MAGI2: variants seen among roughly 807,000 people sequenced by gnomAD.
MAGI2 encodes the protein membrane-associated guanylate kinase, WW and PDZ domain-containing protein 2.
MAGI2 carries 35 observed loss-of-function variants against 133.3 expected under a neutral mutation model. That is an observed-to-expected ratio of 0.26 (90% confidence interval 0.20 to 0.35). MAGI2 has a LOEUF of 0.35. Among genes scored for constraint, MAGI2 ranks in the 10% least tolerant of loss-of-function variants. The pLI is 1.00. For missense variants in MAGI2, 1,636 were observed against 1,863.4 expected (o/e 0.88, Z 2.25); for synonymous variants, 729 against 710.6 (o/e 1.03, Z -0.41).
chr7:79,447,943 T>C (rs557198889), intron 1 of MAGI2, among the ~76,000 whole-genome samples: 45 of 151,962 alleles, frequency 3.0e-4, no homozygotes, highest in African/African-American at 1.1e-3. Flanking sequence ...AGCTGAGAAG[T>C]AAAAGTTCAA....
At chr7:78,545,580 T>C (rs6965349) in intron 3 of MAGI2, among the ~76,000 whole-genome samples, 13,360 of 152,230 alleles carry the variant, frequency 0.088, 709 homozygotes, top group African/African-American at 0.14. Flanking sequence ...CCTGAAGGGC[T>C]ATCATGATGC....
intron 1 of MAGI2, among the ~76,000 whole-genome samples, chr7:79,037,346 T>C (rs761420888): frequency 6.6e-6 from 1 of 152,144 alleles, no homozygotes; most frequent in Non-Finnish European, 1.5e-5. Context: ...CTGCGTTTCA[T>C]GACTACGTAC....
intron 1 of MAGI2, among the ~76,000 whole-genome samples, chr7:79,155,944 G>A (rs963412930): frequency 6.6e-6 from 1 of 152,170 alleles, no homozygotes; most frequent in Non-Finnish European, 1.5e-5. Context: ...TTTGGCTAGA[G>A]TATGCAGATT....
chr7:78,287,772 AGT>A (rs1443284507), intron 9 of MAGI2, among the ~76,000 whole-genome samples: 5 of 152,218 alleles, frequency 3.3e-5, no homozygotes, highest in Admixed American at 2.0e-4. Flanking sequence ...ATCATTTAAA[AGT>A]GTTTTTCTTT....
intron 20 of MAGI2, among the ~76,000 whole-genome samples, chr7:78,083,588 A>C (rs893817935): frequency 5.3e-5 from 8 of 152,222 alleles, no homozygotes; most frequent in Admixed American, 3.3e-4. Flanking sequence ...TGGAAGAAAT[A>C]CTTTTATCTG....
intron 1 of MAGI2, among the ~76,000 whole-genome samples, chr7:79,333,813 T>C (rs1840247806): frequency 6.6e-6 from 1 of 152,136 alleles, no homozygotes; most frequent in Non-Finnish European, 1.5e-5. Context: ...TTGAAAATAA[T>C]AGCACAAACA....
intron 14 of MAGI2, 70 bp downstream of exon 14, chr7:78,177,941 A>C (rs962920966): frequency 1.2e-5 from 13 of 1,099,140 alleles, no homozygotes; most frequent in Non-Finnish European, 1.8e-5. Flanking sequence ...ATCACACTAA[A>C]CACTATTTTC....
intron 1 of MAGI2, among the ~76,000 whole-genome samples, chr7:79,155,013 T>G (rs1823628112): frequency 6.6e-6 from 1 of 152,202 alleles, no homozygotes; most frequent in South Asian, 2.1e-4. Flanking sequence ...GTAACAGTGT[T>G]GACAGTCCAT....
chr7:79,443,287 T>TGTGC (rs1245739729), intron 1 of MAGI2, among the ~76,000 whole-genome samples: 1 of 46,456 alleles, frequency 2.2e-5, no homozygotes, highest in African/African-American at 5.2e-5. Context: ...TGTGTGTGCG[T>TGTGC]GTGTGTGTGT....
Position 78,019,252 on chromosome 7 carries a change from T to C in MAGI2, c.*63A>G. On this transcript the variant is annotated 3_prime_UTR_variant, in exon 22 of 22. Coordinates refer to ENST00000354212, the MANE Select transcript of MAGI2 (RefSeq NM_012301.4). ...ACAGTGAAAATAAATTAAAACGCCG[T>C]GAGACGGAACCTAAGAAGAACTGCC... The C allele has an allele frequency of 6.4e-7, 1 of 1,553,166 alleles. No homozygotes were observed. The highest frequency in any genetic ancestry group is 8.7e-7 in the Non-Finnish European group (1 of 1,151,838).
At chr7:78,557,080 CAAAAAAAAAAAA>C (rs796371005) in intron 3 of MAGI2, among the ~76,000 whole-genome samples, 1 of 40,952 alleles carries the variant, frequency 2.4e-5, no homozygotes, top group South Asian at 8.9e-4. Flanking sequence ...GGCAGAGTCT[CAAAAAAAAAAAA>C]AAAAAAAAGA....
At chr7:78,207,043 T>A (rs1459524004) in intron 10 of MAGI2, among the ~76,000 whole-genome samples, 1 of 152,126 alleles carries the variant, frequency 6.6e-6, no homozygotes, top group African/African-American at 2.4e-5. Context: ...CACAATTAAA[T>A]TTTTTTCAAG....
intron 14 of MAGI2, among the ~76,000 whole-genome samples, chr7:78,177,120 AT>A (rs1443443429): frequency 2.0e-5 from 3 of 152,070 alleles, no homozygotes; most frequent in African/African-American, 4.8e-5. Flanking sequence ...CACTATTGTT[AT>A]CCCCATCTTG....
chr7:78,247,371 G>A (rs1218170410), intron 10 of MAGI2, among the ~76,000 whole-genome samples: 3 of 152,002 alleles, frequency 2.0e-5, no homozygotes, highest in Non-Finnish European at 2.9e-5. Context: ...TTTTTCAGCC[G>A]GCATACTAAG....
In MAGI2 at chr7:78,716,818, C is replaced by T. The variant is rs555262513; in HGVS notation, c.419-89579G>A. On this transcript the variant is annotated intron_variant, in intron 2 of 21. Coordinates refer to ENST00000354212, the MANE Select transcript of MAGI2 (RefSeq NM_012301.4). ...AGACCCACTGGAAGTTCAGAGAAAA[C>T]TGAAGAACTATATTGGGCTTTTCAT... is the stretch of plus-strand genomic sequence containing the variant. Among the ~76,000 whole-genome samples, 12 of 152,274 alleles carry T rather than the reference C, an allele frequency of 7.9e-5. No homozygotes were observed. The South Asian group carries it at 2.5e-3, about 32-fold the overall frequency.
At chr7:78,399,205 G>A (rs916847630) in intron 6 of MAGI2, among the ~76,000 whole-genome samples, 6 of 152,176 alleles carry the variant, frequency 3.9e-5, no homozygotes, top group East Asian at 1.9e-4. Flanking sequence ...ATTCTAAAAC[G>A]CTTACATTCT....
intron 1 of MAGI2, among the ~76,000 whole-genome samples, chr7:79,332,702 T>A (rs903766132): frequency 2.0e-5 from 3 of 152,220 alleles, no homozygotes; most frequent in Non-Finnish European, 2.9e-5. Flanking sequence ...GTGCTTGCAA[T>A]AAACTATAAT....
At chr7:78,389,936 C>T (rs1164167746) in intron 6 of MAGI2, among the ~76,000 whole-genome samples, 1 of 152,110 alleles carries the variant, frequency 6.6e-6, no homozygotes, top group African/African-American at 2.4e-5. Flanking sequence ...GCTTTTATTC[C>T]CTCATGTGGA....
chr7:78,701,681 T>C (rs1818089992), intron 2 of MAGI2, among the ~76,000 whole-genome samples: 1 of 151,968 alleles, frequency 6.6e-6, no homozygotes, highest in African/African-American at 2.4e-5. Context: ...TCCTCCTTCC[T>C]TCCTTCATAA....
Sources: allele counts gnomAD v4.1 joint callset (sites outside exome capture counted in the v4.1 genomes callset), GRCh38; gene constraint gnomAD v4.1.1; transcripts MANE v1.5; gene names NCBI Gene and HGNC (gene_info 2026-07-23, HGNC 2026-07-21).